DNM3: variants seen among roughly 807,000 people sequenced by gnomAD.
The protein encoded by DNM3 is dynamin 3, also known as dynamin-3.
DNM3 carries 47 observed loss-of-function variants against 101.6 expected under a neutral mutation model. The ratio of observed to expected loss-of-function variants is 0.46; its 90% CI spans 0.37 to 0.59. The LOEUF (loss-of-function observed/expected upper bound fraction) is 0.59. DNM3 is among the 20% of genes least tolerant of loss of function. DNM3 has a pLI of 0.00. For missense variants in DNM3, 849 were observed against 1,085.7 expected (o/e 0.78, Z 3.06); for synonymous variants, 385 against 387.9 (o/e 0.99, Z 0.09).
At chr1:172,364,222 A>C (rs898844111) in intron 17 of DNM3, among the ~76,000 whole-genome samples, 6 of 151,924 alleles carry the variant, frequency 3.9e-5, no homozygotes, top group African/African-American at 1.4e-4. Context: ...TGTAATAATT[A>C]TCTGTGCTTC....
chr1:172,221,078 A>AT (rs1330982839), intron 14 of DNM3, among the ~76,000 whole-genome samples: 1 of 151,676 alleles, frequency 6.6e-6, no homozygotes, highest in East Asian at 1.9e-4. Flanking sequence ...TTCCTTCTTC[A>AT]TTTTTTCTCC....
At chr1:171,862,034 C>T (rs1343502857) in intron 1 of DNM3, among the ~76,000 whole-genome samples, 1 of 152,078 alleles carries the variant, frequency 6.6e-6, no homozygotes, top group East Asian at 1.9e-4. Flanking sequence ...GATATGCCAC[C>T]AGGTATCTCA....
intron 13 of DNM3, among the ~76,000 whole-genome samples, chr1:172,102,216 T>C (rs1031011450): frequency 2.6e-5 from 4 of 152,218 alleles, no homozygotes; most frequent in African/African-American, 9.6e-5. Context: ...CTCGGCTTTA[T>C]AGAAATTAAT....
chr1:172,080,658 G>C (rs1347322911), intron 11 of DNM3, among the ~76,000 whole-genome samples: 4 of 152,130 alleles, frequency 2.6e-5, no homozygotes, highest in African/African-American at 9.7e-5. Context: ...GGCATTCCAG[G>C]TGCCACTGGG....
chr1:172,222,195 A>G (rs1261293804), intron 14 of DNM3, among the ~76,000 whole-genome samples: 1 of 152,190 alleles, frequency 6.6e-6, no homozygotes, highest in African/African-American at 2.4e-5. Flanking sequence ...AACAGGTGAA[A>G]GAAACATGGC....
chr1:172,123,111 A>G (rs2056416095), intron 13 of DNM3, among the ~76,000 whole-genome samples: 1 of 152,218 alleles, frequency 6.6e-6, no homozygotes, highest in Non-Finnish European at 1.5e-5. Context: ...GGTTAAAACC[A>G]GGAAGTAACA....
chr1:172,285,569 G>C (rs1240707293), intron 15 of DNM3, among the ~76,000 whole-genome samples: 1 of 152,156 alleles, frequency 6.6e-6, no homozygotes, highest in Non-Finnish European at 1.5e-5. Flanking sequence ...TGAAGCCTCA[G>C]ACAGAGCAGT....
At position 172,409,503 on chromosome 1, in the gene DNM3, A is replaced by G; in HGVS notation, c.*1662A>G. On this transcript the variant is annotated 3_prime_UTR_variant, in exon 21 of 21. Coordinates refer to ENST00000627582, the MANE Select transcript of DNM3 (RefSeq NM_015569.5). Reference sequence around the variant, plus strand: ...ATCAGAAAATACAAGATTTACATAAAGGTCATTTCAACTTTTAAGGTTACC... The same window carrying G: ...ATCAGAAAATACAAGATTTACATAAGGGTCATTTCAACTTTTAAGGTTACC... The G allele has an allele frequency of 1.0e-6, 1 of 984,206 alleles. No homozygotes were observed. Among genetic ancestry groups the G allele is most frequent in the Non-Finnish European group, 1.2e-6 (1 of 828,828 alleles). The allele number at this position is 984,206 out of a possible 1,614,324, so 61.0% of individuals were successfully genotyped here.
chr1:172,305,334 A>C (rs2064743755), intron 15 of DNM3, among the ~76,000 whole-genome samples: 1 of 152,240 alleles, frequency 6.6e-6, no homozygotes, highest in Non-Finnish European at 1.5e-5. Context: ...CTAAACAAGG[A>C]AGAAGTTGAA....
At chr1:172,090,389 C>T (rs995934039) in intron 12 of DNM3, among the ~76,000 whole-genome samples, 3 of 152,080 alleles carry the variant, frequency 2.0e-5, no homozygotes, top group Admixed American at 6.6e-5. Context: ...ACGCTGTGTG[C>T]GCCAGGGCAT....
chr1:172,393,108 C>T (rs2069669278), intron 20 of DNM3: 1 of 152,206 alleles, frequency 6.6e-6, no homozygotes, highest in South Asian at 2.1e-4. Context: ...TGTAATCCCA[C>T]ATTTTCAGTA....
chr1:172,101,690 C>T (rs1466410626), intron 13 of DNM3, among the ~76,000 whole-genome samples: 2 of 152,082 alleles, frequency 1.3e-5, no homozygotes, highest in Non-Finnish European at 2.9e-5. Context: ...CCCAGTCACA[C>T]AGATCATAAA....
At chr1:172,396,062 G>A (rs970878630) in intron 20 of DNM3, among the ~76,000 whole-genome samples, 2 of 152,212 alleles carry the variant, frequency 1.3e-5, no homozygotes, top group Non-Finnish European at 2.9e-5. Context: ...TTTTTGCCCT[G>A]TGACTGCTTT....
At chr1:172,054,286 T>C (rs2050413556) in intron 10 of DNM3, among the ~76,000 whole-genome samples, 1 of 152,230 alleles carries the variant, frequency 6.6e-6, no homozygotes, top group Admixed American at 6.5e-5. Context: ...GAAATGCATT[T>C]CTTCCCAGAT....
At chr1:172,388,465 T>A in intron 19 of DNM3, 108 bp from the exon 20 acceptor site, 2 of 976,464 alleles carry the variant, frequency 2.0e-6, no homozygotes, top group South Asian at 1.6e-5. Context: ...ATTGGACTTA[T>A]TCAGTCAAAA....
At position 172,116,880 on chromosome 1, in the gene DNM3, G is replaced by A. The variant is rs186447202; in HGVS notation, c.1546-14295G>A. Among the ~76,000 whole-genome samples the A allele has an allele frequency of 1.0e-3, 152 of 152,216 alleles. 1 individual carries two copies. In the East Asian group the frequency reaches 0.026, roughly 27 times the overall value. ...TAGCATTTCTTAGAACGTACTTTGA[G>A]AAACCCTGCCTCAACCCCATCAGTT... is the stretch of plus-strand genomic sequence containing the variant. On this transcript the variant is annotated intron_variant, in intron 13 of 20. Coordinates refer to ENST00000627582, the MANE Select transcript of DNM3 (RefSeq NM_015569.5).
At chr1:172,145,484 T>A (rs1490239060) in intron 14 of DNM3, among the ~76,000 whole-genome samples, 3 of 151,964 alleles carry the variant, frequency 2.0e-5, no homozygotes, top group African/African-American at 7.2e-5. Context: ...GCTCTAGACT[T>A]GAACAGTAAT....
At chr1:172,152,797 G>A (rs547951310) in intron 14 of DNM3, among the ~76,000 whole-genome samples, 7 of 152,114 alleles carry the variant, frequency 4.6e-5, no homozygotes, top group Non-Finnish European at 7.4e-5. Flanking sequence ...ATGTGCATGC[G>A]GACAGAAACT....
At chr1:172,038,936 G>GT (rs752622029) in intron 7 of DNM3, among the ~76,000 whole-genome samples, 69,772 of 148,622 alleles carry the variant, frequency 0.47, 18,996 homozygotes, top group African/African-American at 0.76. Context: ...TAAGGCTGTA[G>GT]TTTTTTTTTT....
Sources: allele counts gnomAD v4.1 joint callset (sites outside exome capture counted in the v4.1 genomes callset), GRCh38; gene constraint gnomAD v4.1.1; transcripts MANE v1.5; gene names NCBI Gene and HGNC (gene_info 2026-07-23, HGNC 2026-07-21).